The following SLC35A5 variants were observed in gnomAD, a reference collection of about 807,000 sequenced individuals.
SLC35A5 encodes solute carrier family 35 member A5.
A neutral mutation model predicts 36.3 loss-of-function variants in SLC35A5; 28 were observed. The observed-to-expected ratio is 0.77, with a 90% CI of 0.57 to 1.06. The LOEUF is 1.06. Ranked by LOEUF, SLC35A5 falls within the 50% of genes least tolerant of loss-of-function variation. The pLI is 0.00. For missense variants in SLC35A5, 521 were observed against 499.3 expected (o/e 1.04, Z -0.41); for synonymous variants, 180 against 173.7 (o/e 1.04, Z -0.29).
chr3:112,572,238 G>A (rs901123606), intron 4 of SLC35A5, among the ~76,000 whole-genome samples: 6 of 151,936 alleles, frequency 3.9e-5, no homozygotes, highest in South Asian at 2.1e-4. Context: ...CACCGTGCCC[G>A]GCCGACTTTC....
Position 112,576,167 on chromosome 3 carries a change from C to T in SLC35A5, c.428+2211C>T, listed in dbSNP as rs971797617. Among the ~76,000 whole-genome samples the T allele has an allele frequency of 8.1e-5, 12 of 148,324 alleles. No homozygotes were observed. In the South Asian group the frequency reaches 2.6e-3, roughly 32 times the overall value. ...GGGTGGGTACGGAGTCTTGCTCTGT[C>T]GCCAGGCTGGAGTGCAGGGTTGCAA... On this transcript the variant is annotated intron_variant, in intron 5 of 6. Transcript: ENST00000492406.
At chr3:112,563,926 GT>G (rs573720242) in intron 2 of SLC35A5, among the ~76,000 whole-genome samples, 28 of 152,306 alleles carry the variant, frequency 1.8e-4, no homozygotes, top group South Asian at 8.3e-4. Context: ...CAATGGTAAG[GT>G]GTCAGCATTA....
chr3:112,568,362 A>G (rs1934292202), intron 2 of SLC35A5, among the ~76,000 whole-genome samples: 1 of 152,222 alleles, frequency 6.6e-6, no homozygotes, highest in South Asian at 2.1e-4. Context: ...GGGAAAATGC[A>G]TTCCTGAAAA....
At chr3:112,561,796 G>C (rs1299904840), upstream of SLC35A5, 7 of 470,112 alleles carry the variant, frequency 1.5e-5, no homozygotes, top group Non-Finnish European at 1.9e-5. Context: ...CGCGAGGGAG[G>C]GCAGCGGGGC....
chr3:112,563,250 T>C (rs1934022576), intron 1 of SLC35A5, 135 bp from the exon 2 acceptor site: 3 of 536,176 alleles, frequency 5.6e-6, no homozygotes, highest in African/African-American at 1.9e-5. Context: ...AGTTTCTTTA[T>C]GCCTCAACTT....
chr3:112,563,149 C>T (rs1355937744), intron 1 of SLC35A5, among the ~76,000 whole-genome samples: 3 of 152,194 alleles, frequency 2.0e-5, no homozygotes, highest in African/African-American at 4.8e-5. Context: ...ATTTGCTCAC[C>T]TGCTACCTTT....
intron 5 of SLC35A5, among the ~76,000 whole-genome samples, chr3:112,580,280 T>C (rs932366170): frequency 5.3e-5 from 8 of 152,178 alleles, no homozygotes; most frequent in African/African-American, 1.7e-4. Flanking sequence ...AAGGAGGCCA[T>C]GTTAAACTTG....
At chr3:112,562,941 T>C (rs916122654) in intron 1 of SLC35A5, among the ~76,000 whole-genome samples, 2 of 152,158 alleles carry the variant, frequency 1.3e-5, no homozygotes, top group Non-Finnish European at 2.9e-5. Context: ...GCGCTTGTAG[T>C]CCCAGCTATT....
chr3:112,574,071 A>G (rs1934570296), intron 5 of SLC35A5, 115 bp downstream of exon 5: 1 of 934,236 alleles, frequency 1.1e-6, no homozygotes, highest in East Asian at 2.5e-5. Context: ...TTTTGTTCCT[A>G]ATTGACTTTG....
At chr3:112,567,468 A>AT (rs1934249251) in intron 2 of SLC35A5, among the ~76,000 whole-genome samples, 1 of 151,794 alleles carries the variant, frequency 6.6e-6, no homozygotes, top group Admixed American at 6.6e-5. Flanking sequence ...ATTTTTTTGT[A>AT]TTTTTAGTAG....
intron 4 of SLC35A5, among the ~76,000 whole-genome samples, chr3:112,573,233 G>A (rs1934525496): frequency 6.6e-6 from 1 of 152,160 alleles, no homozygotes; most frequent in South Asian, 2.1e-4. Flanking sequence ...ATTATGGGCA[G>A]CAATGATGGA....
intron 5 of SLC35A5, among the ~76,000 whole-genome samples, chr3:112,580,050 C>T (rs1934833991): frequency 1.3e-5 from 2 of 152,188 alleles, no homozygotes; most frequent in Admixed American, 1.3e-4. Flanking sequence ...CTAGAGCTAA[C>T]CTTCTCCTTT....
chr3:112,584,539 C>T lies in SLC35A5; in HGVS notation c.*1803C>T, dbSNP rs914562709. ...TATTTACGATTACTTTTTTTCCTCA[C>T]CTTCCTCTTTGGAAAGCATTTTTTG... On this transcript the variant is annotated 3_prime_UTR_variant, in exon 7 of 7. Coordinates refer to ENST00000492406, the MANE Select transcript of SLC35A5 (RefSeq NM_017945.5). The T allele has an allele frequency of 6.6e-6, 1 of 152,094 alleles. No individual in the cohort carries two copies. The highest frequency in any genetic ancestry group is 2.4e-5 in the African/African-American group (1 of 41,410). 9.4% of individuals were successfully genotyped at this position (152,094 alleles called of 1,614,324 possible).
intron 2 of SLC35A5, among the ~76,000 whole-genome samples, chr3:112,564,973 C>G (rs1576742407): frequency 6.6e-6 from 1 of 152,206 alleles, no homozygotes; most frequent in East Asian, 1.9e-4. Flanking sequence ...TCTTTCTACA[C>G]AGACACAGTA....
chr3:112,574,046 A>T, intron 5 of SLC35A5, 90 bp downstream of exon 5: 1 of 1,168,022 alleles, frequency 8.6e-7, no homozygotes, highest in Non-Finnish European at 1.2e-6. Flanking sequence ...AGCCGTCAGA[A>T]TCCCAAAGCC....
chr3:112,563,289 A>C, intron 1 of SLC35A5, 96 bp from the exon 2 acceptor site: 1 of 1,215,624 alleles, frequency 8.2e-7, no homozygotes, highest in Non-Finnish European at 1.1e-6. Flanking sequence ...CATAGCCAAA[A>C]TTTTTTAAAA....
chr3:112,574,712 A>G (rs1251963494), intron 5 of SLC35A5, among the ~76,000 whole-genome samples: 1 of 151,880 alleles, frequency 6.6e-6, no homozygotes, highest in East Asian at 1.9e-4. Context: ...ATTGATTCTC[A>G]GTGTGCTGTG....
chr3:112,568,132 C>A (rs1934280169), intron 2 of SLC35A5, among the ~76,000 whole-genome samples: 1 of 152,126 alleles, frequency 6.6e-6, no homozygotes. Context: ...TCACACACTT[C>A]CAATGAGACA....
chr3:112,563,984 T>C (rs1021809011), intron 2 of SLC35A5: 1 of 152,580 alleles, frequency 6.6e-6, no homozygotes, highest in African/African-American at 2.4e-5. Flanking sequence ...TAAGCTTTGA[T>C]AAGTATGTAT....
Sources: allele counts gnomAD v4.1 joint callset (sites outside exome capture counted in the v4.1 genomes callset), GRCh38; gene constraint gnomAD v4.1.1; transcripts MANE v1.5; gene names NCBI Gene and HGNC (gene_info 2026-07-23, HGNC 2026-07-21).